CNTN4: variants seen among roughly 807,000 people sequenced by gnomAD.
CNTN4 encodes the protein contactin-4.
A neutral mutation model predicts 122.5 loss-of-function variants in CNTN4; 77 were observed. The observed-to-expected ratio is 0.63, with a 90% CI of 0.52 to 0.76. The LOEUF (loss-of-function observed/expected upper bound fraction) is 0.76. Ranked by LOEUF, CNTN4 falls within the 30% of genes least tolerant of loss-of-function variation. The pLI is 0.00. For synonymous variants in CNTN4, 512 were observed against 447.0 expected, an observed-to-expected ratio of 1.15 and a Z score of -1.83; for missense variants, 1,256 against 1,259.1, an observed-to-expected ratio of 1.00 and a Z score of 0.04.
chr3:2,870,339 T>C (rs1406521489), intron 8 of CNTN4, among the ~76,000 whole-genome samples: 1 of 152,208 alleles, frequency 6.6e-6, no homozygotes, highest in Non-Finnish European at 1.5e-5. Flanking sequence ...CATTCTTAAT[T>C]TCCATGAGTG....
chr3:2,784,689 C>A (rs7646671), intron 6 of CNTN4, among the ~76,000 whole-genome samples: 23,282 of 152,112 alleles, frequency 0.15, 2,268 homozygotes, highest in African/African-American at 0.28. Context: ...GGTGGCCGAC[C>A]TGGCTGGATT....
chr3:3,005,365 A>G (rs972362143), intron 14 of CNTN4, among the ~76,000 whole-genome samples: 1 of 151,902 alleles, frequency 6.6e-6, no homozygotes, highest in Non-Finnish European at 1.5e-5. Context: ...CTCTTCTCAC[A>G]TTTTGCTATA....
intron 2 of CNTN4, among the ~76,000 whole-genome samples, chr3:2,202,911 C>T (rs1038193007): frequency 2.6e-5 from 4 of 151,938 alleles, no homozygotes; most frequent in African/African-American, 9.7e-5. Flanking sequence ...GCAACCTCCA[C>T]CTCCCAAGTT....
chr3:2,421,678 C>T lies in CNTN4; in HGVS notation c.-89+82445C>T, dbSNP rs576749449. 7.9e-5 allele frequency among the ~76,000 whole-genome samples: 12 copies of T among 152,264 alleles called. No homozygotes were observed. In the South Asian group the frequency reaches 2.3e-3, roughly 29 times the overall value. On this transcript the variant is annotated intron_variant, in intron 3 of 24. Coordinates refer to ENST00000418658, the MANE Select transcript of CNTN4 (RefSeq NM_175607.3). ...CATTCTATTAAATGACATATGTGTTCTCCCCAAACTCTAACATCTGTTCAT... is the reference window on the plus strand; with the variant it reads ...CATTCTATTAAATGACATATGTGTTTTCCCCAAACTCTAACATCTGTTCAT...
chr3:2,624,804 G>A (rs1035821709), intron 4 of CNTN4, among the ~76,000 whole-genome samples: 2 of 151,288 alleles, frequency 1.3e-5, no homozygotes, highest in Non-Finnish European at 2.9e-5. Context: ...GCTAATTTTT[G>A]TATTTTTTTA....
intron 3 of CNTN4, among the ~76,000 whole-genome samples, chr3:2,437,839 A>G (rs1282551851): frequency 2.6e-5 from 4 of 152,304 alleles, no homozygotes; most frequent in Non-Finnish European, 5.9e-5. Flanking sequence ...GAGCTGAGGG[A>G]GAGTTCGTGT....
intron 3 of CNTN4, among the ~76,000 whole-genome samples, chr3:2,454,004 G>T (rs920940353): frequency 2.0e-5 from 3 of 151,614 alleles, no homozygotes; most frequent in African/African-American, 7.3e-5. Flanking sequence ...TTGTTGCATG[G>T]ATATCCTCAG....
intron 4 of CNTN4, chr3:2,735,854 C>A: frequency 2.3e-6 from 1 of 426,658 alleles, no homozygotes; most frequent in South Asian, 1.7e-5. Context: ...ACTAGACAGC[C>A]ATCCACAATG....
intron 4 of CNTN4, among the ~76,000 whole-genome samples, chr3:2,733,377 C>A (rs1202209270): frequency 6.6e-6 from 1 of 152,116 alleles, no homozygotes; most frequent in Non-Finnish European, 1.5e-5. Context: ...TCACTTAATT[C>A]TTTACCATTG....
chr3:2,592,977 G>C (rs2080571561), intron 4 of CNTN4, among the ~76,000 whole-genome samples: 1 of 152,172 alleles, frequency 6.6e-6, no homozygotes. Flanking sequence ...AGCAGTGTCA[G>C]AATGGGAAGT....
chr3:2,916,789 G>GC (rs995899122), intron 12 of CNTN4, among the ~76,000 whole-genome samples: 12 of 149,956 alleles, frequency 8.0e-5, no homozygotes, highest in Admixed American at 3.3e-4. Context: ...GGGCAGAGGG[G>GC]CCCCCCACCT....
intron 4 of CNTN4, among the ~76,000 whole-genome samples, chr3:2,725,206 A>G (rs1435064845): frequency 6.6e-6 from 1 of 152,188 alleles, no homozygotes; most frequent in Non-Finnish European, 1.5e-5. Flanking sequence ...CCTGGTGCTT[A>G]AAACAGCCTG....
intron 4 of CNTN4, among the ~76,000 whole-genome samples, chr3:2,594,729 A>T (rs1439537664): frequency 6.6e-6 from 1 of 152,114 alleles, no homozygotes; most frequent in Admixed American, 6.6e-5. Context: ...AACAAAATGG[A>T]TCTTGAAGAG....
At chr3:2,781,942 C>T (rs1033122577) in intron 6 of CNTN4, among the ~76,000 whole-genome samples, 3 of 148,088 alleles carry the variant, frequency 2.0e-5, no homozygotes, top group African/African-American at 2.5e-5. Flanking sequence ...CCAGGATGGT[C>T]TCGATCTCCT....
intron 2 of CNTN4, among the ~76,000 whole-genome samples, chr3:2,296,828 T>A (rs932852471): frequency 2.6e-5 from 4 of 150,954 alleles, no homozygotes; most frequent in African/African-American, 4.9e-5. Flanking sequence ...TCCAATGAGG[T>A]AGAAAATTGG....
chr3:2,314,220 A>C (rs2043015040), intron 2 of CNTN4, among the ~76,000 whole-genome samples: 1 of 151,978 alleles, frequency 6.6e-6, no homozygotes, highest in African/African-American at 2.4e-5. Flanking sequence ...TGGGAAGGTT[A>C]AATATGATAC....
At chr3:2,827,426 G>A (rs1040831978) in intron 7 of CNTN4, among the ~76,000 whole-genome samples, 3 of 152,148 alleles carry the variant, frequency 2.0e-5, no homozygotes, top group African/African-American at 7.2e-5. Flanking sequence ...AATTAGGCTG[G>A]GTTTGATTGT....
intron 2 of CNTN4, among the ~76,000 whole-genome samples, chr3:2,327,253 C>T (rs900328379): frequency 6.6e-6 from 1 of 151,928 alleles, no homozygotes; most frequent in African/African-American, 2.4e-5. Flanking sequence ...TGTATTTGTG[C>T]ATGGATTTCC....
At chr3:2,275,669 C>T (rs1289136636) in intron 2 of CNTN4, among the ~76,000 whole-genome samples, 1 of 151,956 alleles carries the variant, frequency 6.6e-6, no homozygotes, top group Non-Finnish European at 1.5e-5. Context: ...CACCTGTAAT[C>T]CCAGCACTTT....
Sources: gnomAD v4.1 joint callset for allele counts (sites outside exome capture counted in the v4.1 genomes callset) on GRCh38, gnomAD v4.1.1 for gene constraint, MANE v1.5 for transcripts, NCBI Gene and HGNC (gene_info 2026-07-23, HGNC 2026-07-21) for gene names.